METTL15: variants seen among roughly 807,000 people sequenced by gnomAD.
METTL15 encodes the protein methyltransferase 15, mitochondrial 12S rRNA N4-cytidine.
A neutral mutation model predicts 38.3 loss-of-function variants in METTL15; 34 were observed. The ratio of observed to expected loss-of-function variants is 0.89; its 90% CI spans 0.68 to 1.18. The LOEUF is 1.18. METTL15 is among the 50% of genes most tolerant of loss of function. METTL15 has a pLI of 0.00. For synonymous variants in METTL15, 162 were observed against 170.9 expected, an observed-to-expected ratio of 0.95 and a Z score of 0.41; for missense variants, 438 against 498.4, an observed-to-expected ratio of 0.88 and a Z score of 1.15.
chr11:28,293,697 G>A (rs1168593945), intron 5 of METTL15, among the ~76,000 whole-genome samples: 1 of 151,626 alleles, frequency 6.6e-6, no homozygotes, highest in East Asian at 1.9e-4. Context: ...AGCATGGAAT[G>A]TTCTTCCATT....
At chr11:28,349,993 T>A (rs1490460278) in intron 3 of METTL15, among the ~76,000 whole-genome samples, 2 of 152,200 alleles carry the variant, frequency 1.3e-5, no homozygotes, top group Non-Finnish European at 2.9e-5. Flanking sequence ...CTCTTTCCCT[T>A]AAAAGTCTTT....
intron 4 of METTL15, among the ~76,000 whole-genome samples, chr11:28,224,932 G>C (rs906943350): frequency 6.6e-6 from 1 of 150,966 alleles, no homozygotes; most frequent in African/African-American, 2.4e-5. Context: ...TTGATTTTGC[G>C]TCTTCACTAG....
chr11:28,368,463 C>T (rs576454830), intron 5 of METTL15, among the ~76,000 whole-genome samples: 30 of 152,204 alleles, frequency 2.0e-4, no homozygotes, highest in Middle Eastern at 3.4e-3. Flanking sequence ...TACCATCTCA[C>T]GCCAGTTAGA....
intron 5 of METTL15, among the ~76,000 whole-genome samples, chr11:28,421,949 C>T (rs894471308): frequency 3.3e-5 from 5 of 151,896 alleles, no homozygotes; most frequent in Admixed American, 2.6e-4. Context: ...CGTATAGACC[C>T]AACCAAAAAA....
chr11:28,262,293 G>A (rs1182351227), intron 4 of METTL15, among the ~76,000 whole-genome samples: 1 of 151,034 alleles, frequency 6.6e-6, no homozygotes, highest in African/African-American at 2.4e-5. Context: ...AGATATATAT[G>A]TATATATACA....
At chr11:28,241,653 CAT>C (rs1438202456) in intron 4 of METTL15, among the ~76,000 whole-genome samples, 1 of 151,268 alleles carries the variant, frequency 6.6e-6, no homozygotes, top group Admixed American at 6.6e-5. Context: ...AAGAATAAGA[CAT>C]ATTGAGAAAG....
At chr11:28,354,626 T>G (rs2133363868) in intron 4 of METTL15, among the ~76,000 whole-genome samples, 1 of 152,266 alleles carries the variant, frequency 6.6e-6, no homozygotes, top group South Asian at 2.1e-4. Flanking sequence ...ACCCTGACTT[T>G]ATTGTATCCT....
At chr11:28,350,964 T>TCG (rs1311752928) in intron 3 of METTL15, among the ~76,000 whole-genome samples, 9 of 152,176 alleles carry the variant, frequency 5.9e-5, no homozygotes. Context: ...CTCTCCCATA[T>TCG]TGTACCTGGA....
chr11:28,223,608 G>A (rs1205063991), intron 4 of METTL15, among the ~76,000 whole-genome samples: 1 of 152,014 alleles, frequency 6.6e-6, no homozygotes, highest in Non-Finnish European at 1.5e-5. Context: ...TCTAAAAGAG[G>A]AGTTAAGTTT....
intron 3 of METTL15, among the ~76,000 whole-genome samples, chr11:28,186,098 A>G (rs193114627): frequency 6.6e-6 from 1 of 151,070 alleles, no homozygotes; most frequent in Admixed American, 6.6e-5. Flanking sequence ...AGGTTAGGCC[A>G]TAGAAACTGT....
intron 4 of METTL15, among the ~76,000 whole-genome samples, chr11:28,235,841 A>G (rs950045019): frequency 8.6e-5 from 13 of 152,044 alleles, no homozygotes; most frequent in Admixed American, 2.6e-4. Flanking sequence ...TTCCCACACT[A>G]TGTTGAATAG....
chr11:28,219,402 G>A (rs1247294152), intron 4 of METTL15, among the ~76,000 whole-genome samples: 1 of 152,058 alleles, frequency 6.6e-6, no homozygotes, highest in East Asian at 1.9e-4. Context: ...GATCGGTGGT[G>A]ATATCCCCTT....
At chr11:28,161,330 A>T (rs1356147906) in intron 3 of METTL15, among the ~76,000 whole-genome samples, 1 of 151,982 alleles carries the variant, frequency 6.6e-6, no homozygotes, top group Non-Finnish European at 1.5e-5. Context: ...CATGTTGGCT[A>T]GGCTGGCTCC....
chr11:28,123,146 G>T (rs1852323788), intron 3 of METTL15, among the ~76,000 whole-genome samples: 2 of 152,048 alleles, frequency 1.3e-5, no homozygotes, highest in South Asian at 4.1e-4. Context: ...AAAGAAAAGG[G>T]AGAAACGAGT....
chr11:28,136,873 A>G (rs1590788511), intron 3 of METTL15, among the ~76,000 whole-genome samples: 1 of 152,120 alleles, frequency 6.6e-6, no homozygotes, highest in East Asian at 1.9e-4. Flanking sequence ...ATTCCAGATT[A>G]CCGTAAGTTC....
chr11:28,431,925 A>G (rs1374158249), intron 6 of METTL15, among the ~76,000 whole-genome samples: 3 of 152,152 alleles, frequency 2.0e-5, no homozygotes, highest in Non-Finnish European at 4.4e-5. Flanking sequence ...TAATTGGACA[A>G]CAAGCAAGCT....
At chr11:28,366,986 A>C (rs1564907972) in intron 5 of METTL15, among the ~76,000 whole-genome samples, 2 of 152,238 alleles carry the variant, frequency 1.3e-5, no homozygotes, top group Non-Finnish European at 2.9e-5. Context: ...TTTACCCATG[A>C]TAACCCTTCC....
In METTL15 at chr11:28,222,158, C is replaced by T. The variant is rs555014885; in HGVS notation, c.407+10960C>T. 1.1e-4 allele frequency among the ~76,000 whole-genome samples: 17 copies of T among 152,324 alleles called. No homozygotes were observed. The South Asian group carries it at 3.5e-3, about 32-fold the overall frequency. ...TATGCCCTGCCTCCAGAGGTGGAGC[C>T]TACAGAGGCAGGCAGGCCTCCTTGA... On this transcript the variant is annotated intron_variant, in intron 4 of 6. Coordinates refer to ENST00000407364, the MANE Select transcript of METTL15 (RefSeq NM_001113528.2).
intron 4 of METTL15, among the ~76,000 whole-genome samples, chr11:28,258,835 G>A (rs1256445545): frequency 6.6e-6 from 1 of 152,128 alleles, no homozygotes; most frequent in African/African-American, 2.4e-5. Context: ...ATCCTAAAAT[G>A]TGGGACCTTA....
Sources: gnomAD v4.1 joint callset for allele counts (sites outside exome capture counted in the v4.1 genomes callset) on GRCh38, gnomAD v4.1.1 for gene constraint, MANE v1.5 for transcripts, NCBI Gene and HGNC (gene_info 2026-07-23, HGNC 2026-07-21) for gene names.